ARHGAP32: variants seen among roughly 807,000 people sequenced by gnomAD.
The protein encoded by ARHGAP32 is Rho GTPase activating protein 32.
ARHGAP32 carries 51 observed loss-of-function variants against 186.5 expected under a neutral mutation model. The observed-to-expected ratio is 0.27, with a 90% CI of 0.22 to 0.35. The LOEUF (loss-of-function observed/expected upper bound fraction) is 0.35. Among genes scored for constraint, ARHGAP32 ranks in the 10% least tolerant of loss-of-function variants. The probability of loss-of-function intolerance (pLI) is 1.00; values close to 1 mark genes in which losing one functional copy is unlikely to be tolerated. For synonymous variants in ARHGAP32, 950 were observed against 964.3 expected (o/e 0.99, Z 0.27); for missense variants, 2,186 against 2,623.5 (o/e 0.83, Z 3.64).
At chr11:129,028,307 T>G (rs576712805) in intron 11 of ARHGAP32, among the ~76,000 whole-genome samples, 6 of 151,946 alleles carry the variant, frequency 3.9e-5, no homozygotes, top group Non-Finnish European at 8.8e-5. Context: ...CACAAAAAAA[T>G]GGTAAGTCAG....
intron 1 of ARHGAP32, among the ~76,000 whole-genome samples, chr11:129,240,475 C>T (rs183715482): frequency 4.6e-5 from 7 of 152,270 alleles, no homozygotes; most frequent in Admixed American, 4.6e-4. Flanking sequence ...TCCTTTTCTA[C>T]AAGCTTTCCC....
chr11:129,050,872 A>C (rs922435121), intron 10 of ARHGAP32, among the ~76,000 whole-genome samples: 2 of 152,148 alleles, frequency 1.3e-5, no homozygotes, highest in Admixed American at 6.5e-5. Flanking sequence ...ACTCCTGCTT[A>C]TGAGTGAGAA....
intron 2 of ARHGAP32, among the ~76,000 whole-genome samples, chr11:129,142,204 C>T (rs537040272): frequency 1.3e-5 from 2 of 152,100 alleles, no homozygotes; most frequent in Non-Finnish European, 2.9e-5. Flanking sequence ...CCGGCTCTTC[C>T]CCTCTTTCCG....
intron 1 of ARHGAP32, among the ~76,000 whole-genome samples, chr11:129,255,713 A>C (rs1308357841): frequency 1.3e-5 from 2 of 152,056 alleles, no homozygotes; most frequent in East Asian, 3.9e-4. Flanking sequence ...AAAGGCATAA[A>C]CAGGCACTTC....
At chr11:129,089,514 A>C (rs1478658371) in intron 6 of ARHGAP32, among the ~76,000 whole-genome samples, 1 of 152,170 alleles carries the variant, frequency 6.6e-6, no homozygotes, top group African/African-American at 2.4e-5. Flanking sequence ...GAAAGAACTC[A>C]GGCCCTTTTA....
At position 129,101,546 on chromosome 11, in the gene ARHGAP32, G is replaced by A. The variant is rs181233954; in HGVS notation, c.445-7839C>T. Among the ~76,000 whole-genome samples, 224 of 152,220 alleles carry A rather than the reference G, an allele frequency of 1.5e-3. 1 individual carries two copies. The highest frequency in any genetic ancestry group is 5.0e-3 in the African/African-American group (208 of 41,522). On this transcript the variant is annotated intron_variant, in intron 5 of 22. Transcript: ENST00000682385. ...AGAGCTGAAAAACACACTACAAGAA[G>A]TTTATAATGCAATCACAAGTATTAA...
At chr11:129,071,937 C>A (rs747735404) in intron 6 of ARHGAP32, among the ~76,000 whole-genome samples, 2 of 152,074 alleles carry the variant, frequency 1.3e-5, no homozygotes, top group East Asian at 1.9e-4. Context: ...GGACATTATG[C>A]GCAATAAAAT....
chr11:128,999,197 A>AG (rs1946283382), intron 11 of ARHGAP32, among the ~76,000 whole-genome samples: 1 of 152,122 alleles, frequency 6.6e-6, no homozygotes, highest in Non-Finnish European at 1.5e-5. Context: ...ATGCATTCCC[A>AG]GGGGGAGGTC....
chr11:129,124,029 A>G, intron 3 of ARHGAP32, 100 bp from the exon 4 acceptor site: 1 of 788,674 alleles, frequency 1.3e-6, no homozygotes, highest in Non-Finnish European at 1.8e-6. Context: ...TTTCCTCTTT[A>G]AAACTGATTA....
intron 2 of ARHGAP32, among the ~76,000 whole-genome samples, chr11:129,154,644 A>G (rs1258523991): frequency 6.6e-6 from 1 of 152,124 alleles, no homozygotes; most frequent in East Asian, 1.9e-4. Flanking sequence ...AAAACCAAAT[A>G]CCGTTATGTT....
chr11:128,991,523 T>A (rs1319381500), intron 12 of ARHGAP32, among the ~76,000 whole-genome samples: 1 of 152,076 alleles, frequency 6.6e-6, no homozygotes, highest in Non-Finnish European at 1.5e-5. Flanking sequence ...AGAAATCCAA[T>A]ATATTTTGTA....
chr11:129,065,898 G>A (rs1022862304), intron 7 of ARHGAP32, among the ~76,000 whole-genome samples: 1 of 151,964 alleles, frequency 6.6e-6, no homozygotes, highest in African/African-American at 2.4e-5. Context: ...AAATGACTTG[G>A]CTTGATCATT....
intron 1 of ARHGAP32, among the ~76,000 whole-genome samples, chr11:129,265,974 A>G (rs1186977961): frequency 6.6e-6 from 1 of 152,222 alleles, no homozygotes; most frequent in East Asian, 1.9e-4. Flanking sequence ...TCATAAAAAT[A>G]ATTCTGTTTA....
At chr11:129,098,782 G>T (rs1291829320) in intron 5 of ARHGAP32, among the ~76,000 whole-genome samples, 1 of 152,070 alleles carries the variant, frequency 6.6e-6, no homozygotes, top group Non-Finnish European at 1.5e-5. Flanking sequence ...TTTCAGAGCA[G>T]AAAAATGTAT....
At chr11:129,058,756 T>C (rs549446228) in intron 10 of ARHGAP32, among the ~76,000 whole-genome samples, 4 of 150,942 alleles carry the variant, frequency 2.7e-5, no homozygotes, top group African/African-American at 2.4e-5. Context: ...AGAAAAAGTA[T>C]AAAAACCACC....
At chr11:129,191,944 C>T in intron 1 of ARHGAP32, 139 bp downstream of exon 1, 3 of 657,380 alleles carry the variant, frequency 4.6e-6, no homozygotes, top group Non-Finnish European at 5.3e-6. Flanking sequence ...AACTCAAAAC[C>T]TGCTCCCTTG....
intron 11 of ARHGAP32, among the ~76,000 whole-genome samples, chr11:129,020,147 A>G (rs1016304957): frequency 6.6e-6 from 1 of 152,084 alleles, no homozygotes; most frequent in Non-Finnish European, 1.5e-5. Context: ...ATTTATCAGG[A>G]GAAAAAAAGA....
intron 1 of ARHGAP32, among the ~76,000 whole-genome samples, chr11:129,180,971 T>C (rs1338941825): frequency 2.0e-5 from 3 of 152,116 alleles, no homozygotes; most frequent in African/African-American, 7.2e-5. Context: ...TATGAAAAAT[T>C]ACACTTGACA....
At chr11:129,273,837 T>C (rs1360776989) in intron 1 of ARHGAP32, among the ~76,000 whole-genome samples, 1 of 152,222 alleles carries the variant, frequency 6.6e-6, no homozygotes, top group Non-Finnish European at 1.5e-5. Flanking sequence ...TTCTAGAAGA[T>C]TCTCTCCTAG....
Sources: gnomAD v4.1 joint callset for allele counts (sites outside exome capture counted in the v4.1 genomes callset) on GRCh38, gnomAD v4.1.1 for gene constraint, MANE v1.5 for transcripts, NCBI Gene and HGNC (gene_info 2026-07-23, HGNC 2026-07-21) for gene names.